The following C1orf87 variants were observed in gnomAD, a reference collection of about 807,000 sequenced individuals.
C1orf87 encodes uncharacterized protein C1orf87.
A neutral mutation model predicts 60.5 loss-of-function variants in C1orf87; 58 were observed. The observed-to-expected ratio is 0.96, with a 90% CI of 0.78 to 1.19. The LOEUF is 1.19. Ranked by LOEUF, C1orf87 falls within the 50% of genes most tolerant of loss-of-function variation. The probability of loss-of-function intolerance (pLI) is 0.00; values close to 1 mark genes in which losing one functional copy is unlikely to be tolerated. For synonymous variants in C1orf87, 236 were observed against 227.4 expected, an observed-to-expected ratio of 1.04 and a Z score of -0.34; for missense variants, 673 against 638.6, an observed-to-expected ratio of 1.05 and a Z score of -0.58.
intron 2 of C1orf87, among the ~76,000 whole-genome samples, chr1:60,062,578 C>A (rs777278584): frequency 4.1e-4 from 63 of 152,022 alleles, no homozygotes; most frequent in Non-Finnish European, 7.2e-4. Flanking sequence ...CTTTTATTAT[C>A]CTGCAGGTTG....
intron 10 of C1orf87, among the ~76,000 whole-genome samples, chr1:59,999,569 C>T (rs1402751585): frequency 6.6e-6 from 1 of 152,032 alleles, no homozygotes; most frequent in Non-Finnish European, 1.5e-5. Context: ...CCACTGAAGA[C>T]AAGGAAAAGG....
In C1orf87 at chr1:60,038,094, T is replaced by A. The variant is rs1645291365; in HGVS notation, c.761A>T (p.Lys254Met). The change falls in exon 6 of 12, where the codon AAG (lysine) becomes ATG (methionine). Residue 254 changes from lysine (K) to methionine (M), a missense_variant. Lys to Met is a moderately conservative substitution (Grantham distance 95). Coordinates refer to ENST00000371201, the MANE Select transcript of C1orf87 (RefSeq NM_152377.3). ...TGCACTGTTTAAAAACCAGAGTAGC[T>A]TTTCATAATTCACCTGAAAATTAAA... ...RGSPEMVNYE[K>M]LLWFLNSAAS... The A allele has an allele frequency of 6.5e-7, 1 of 1,539,110 alleles. No homozygotes were observed. The highest frequency in any genetic ancestry group is 8.9e-7 in the Non-Finnish European group (1 of 1,126,426).
intron 6 of C1orf87, among the ~76,000 whole-genome samples, chr1:60,034,738 A>G (rs144424255): frequency 1.5e-3 from 232 of 152,136 alleles, no homozygotes; most frequent in African/African-American, 5.3e-3. Context: ...CTTTTCCTTA[A>G]TAGGTCTCCT....
intron 2 of C1orf87, among the ~76,000 whole-genome samples, chr1:60,059,763 C>T (rs1645482086): frequency 6.6e-6 from 1 of 152,188 alleles, no homozygotes; most frequent in Admixed American, 6.5e-5. Context: ...CCAGCCTTGG[C>T]AGCGACTCAA....
chr1:60,031,924 T>C (rs1645240109), intron 7 of C1orf87, among the ~76,000 whole-genome samples: 1 of 152,162 alleles, frequency 6.6e-6, no homozygotes, highest in African/African-American at 2.4e-5. Context: ...TGTGTGGACT[T>C]TCCTGCAATG....
chr1:60,038,258 G>A, intron 5 of C1orf87, 151 bp from the exon 6 acceptor site: 3 of 501,558 alleles, frequency 6.0e-6, no homozygotes, highest in Admixed American at 3.1e-5. Context: ...GTGCTTTTTA[G>A]CAAGTATTCT....
intron 3 of C1orf87, among the ~76,000 whole-genome samples, chr1:60,046,656 T>C (rs1189830186): frequency 1.3e-5 from 2 of 151,970 alleles, no homozygotes; most frequent in African/African-American, 2.4e-5. Context: ...CAGAGTGGCC[T>C]TGAACTCCTG....
intron 8 of C1orf87, among the ~76,000 whole-genome samples, 164 bp downstream of exon 8, chr1:60,025,236 CA>C (rs766545634): frequency 6.6e-6 from 1 of 152,152 alleles, no homozygotes; most frequent in Non-Finnish European, 1.5e-5. Flanking sequence ...ATTACAAAGA[CA>C]ATAATTTCAT....
chr1:60,004,037 T>TGAAATAA (rs959332883), intron 9 of C1orf87, among the ~76,000 whole-genome samples: 3 of 152,100 alleles, frequency 2.0e-5, no homozygotes, highest in African/African-American at 7.2e-5. Context: ...CTAGTAGCAT[T>TGAAATAA]GGCTACTGCT....
chr1:60,034,513 G>C (rs1645261544), intron 6 of C1orf87, among the ~76,000 whole-genome samples: 1 of 152,158 alleles, frequency 6.6e-6, no homozygotes, highest in African/African-American at 2.4e-5. Context: ...TCTTTCAGTG[G>C]TATACTGGTA....
At chr1:60,019,074 G>A (rs1200329044) in intron 8 of C1orf87, among the ~76,000 whole-genome samples, 4 of 152,134 alleles carry the variant, frequency 2.6e-5, no homozygotes. Flanking sequence ...TACCTATCAT[G>A]TGCCAATGAT....
Position 60,041,065 on chromosome 1 carries a change from G to A in C1orf87, c.409C>T (p.His137Tyr), listed in dbSNP as rs112532335. The A allele has an allele frequency of 4.3e-6, 7 of 1,613,312 alleles. No individual in the cohort carries two copies. The highest frequency in any genetic ancestry group is 1.7e-5 in the Admixed American group (1 of 59,980). ...CTAAGCTTTCTCCTGGGAATGCCATGCACATAGGATAAGGACTGGTCTCCG... is the reference window on the plus strand; with the variant it reads ...CTAAGCTTTCTCCTGGGAATGCCATACACATAGGATAAGGACTGGTCTCCG... The part of the protein sequence containing the change: ...PTGDQSLSYV[H>Y]GIPRRKLRDW... The change falls in exon 4 of 12, where the codon CAT becomes TAT. Residue 137 changes from histidine (H) to tyrosine (Y), a missense_variant. Physicochemically the swap from His to Tyr is moderately conservative, Grantham distance 83. Transcript: ENST00000371201.
Position 60,001,082 on chromosome 1 carries a change from G to T in C1orf87, c.1267C>A (p.His423Asn), listed in dbSNP as rs1354609348. 1 of 1,607,822 alleles carries T rather than the reference G, an allele frequency of 6.2e-7. No individual in the cohort carries two copies. ...TATATACCCCAGGTGCATACCATATGTTCAGTTTTGCTTTGAGACATCTCG... is the reference window on the plus strand; with the variant it reads ...TATATACCCCAGGTGCATACCATATTTTCAGTTTTGCTTTGAGACATCTCG... ...VPEMSQSKTE[H>N]MKTPEEELQP... The change falls in exon 10 of 12, where the codon CAT becomes AAT. Residue 423 changes from histidine to asparagine, a missense_variant. His to Asn is a moderately conservative substitution (Grantham distance 68). Transcript: ENST00000371201.
intron 11 of C1orf87, among the ~76,000 whole-genome samples, chr1:59,994,693 T>A (rs570013465): frequency 6.6e-6 from 1 of 152,276 alleles, no homozygotes; most frequent in Non-Finnish European, 1.5e-5. Flanking sequence ...TCCTCAAGGC[T>A]ATTTTGTTGA....
In C1orf87 at chr1:60,033,506, G is replaced by A. The variant is rs1645253774; in HGVS notation, c.999C>T (p.Arg333=). 8.1e-6 allele frequency: 13 copies of A among 1,613,786 alleles called. No individual in the cohort carries two copies. Among genetic ancestry groups the A allele is most frequent in the African/African-American group, 1.3e-5 (1 of 74,912 alleles). The change falls in exon 7 of 12, where the codon CGC becomes CGT. Residue 333 remains arginine (R), a synonymous_variant. Transcript: ENST00000371201. ...GTAGAGGGAGGCAGCCAGAGAACGA[G>A]CGATCTTCTTTTCGAAAACTCAGAT... ...NLNLSFRKED[R]SFSGCLPLPK...
chr1:60,065,698 T>C (rs1269932674), intron 2 of C1orf87, among the ~76,000 whole-genome samples: 2 of 152,156 alleles, frequency 1.3e-5, no homozygotes, highest in Non-Finnish European at 2.9e-5. Context: ...AACCATTAAC[T>C]TTAACACTTA....
At chr1:60,065,448 C>T (rs1346712080) in intron 2 of C1orf87, among the ~76,000 whole-genome samples, 2 of 152,042 alleles carry the variant, frequency 1.3e-5, no homozygotes, top group Admixed American at 6.6e-5. Flanking sequence ...GTTCAAATGT[C>T]TCCTGCTCAG....
At position 60,072,526 on chromosome 1, in the gene C1orf87, T is replaced by G; in HGVS notation, c.107+11A>C. 6.4e-7 allele frequency: 1 copy of G among 1,565,860 alleles called. No homozygotes were observed. The highest frequency in any genetic ancestry group is 8.7e-7 in the Non-Finnish European group (1 of 1,146,830). On this transcript the variant is annotated intron_variant, in intron 2 of 11. Transcript: ENST00000371201. The stretch of plus-strand genomic sequence containing the variant: ...CCAAGCAACATAGATATTTTTCAAA[T>G]ATGGACTTACATCTTTGGCTTCTCC...
At chr1:60,061,776 CAAAAAAAAAAAAA>C (rs57844722) in intron 2 of C1orf87, among the ~76,000 whole-genome samples, 3 of 53,156 alleles carry the variant, frequency 5.6e-5, no homozygotes, top group Non-Finnish European at 1.0e-4. Flanking sequence ...CCATCTCTAC[CAAAAAAAAAAAAA>C]AAAAAAAAAA....
Sources: gnomAD v4.1 joint callset for allele counts (sites outside exome capture counted in the v4.1 genomes callset) on GRCh38, gnomAD v4.1.1 for gene constraint, MANE v1.5 for transcripts, NCBI Gene and HGNC (gene_info 2026-07-23, HGNC 2026-07-21) for gene names.